PALM2AKAP2: variants seen among roughly 807,000 people sequenced by gnomAD.
PALM2AKAP2 encodes PALM2-AKAP2 fusion protein.
A neutral mutation model predicts 71.5 loss-of-function variants in PALM2AKAP2; 37 were observed. The observed-to-expected ratio is 0.52, with a 90% CI of 0.40 to 0.68. The LOEUF (loss-of-function observed/expected upper bound fraction) is 0.68, where lower values mean the gene tolerates loss of function less well. PALM2AKAP2 is among the 30% of genes least tolerant of loss of function. PALM2AKAP2 has a pLI of 0.00. For missense variants in PALM2AKAP2, 1,224 were observed against 1,191.8 expected (o/e 1.03, Z -0.40); for synonymous variants, 468 against 478.8 (o/e 0.98, Z 0.29).
intron 6 of PALM2AKAP2, among the ~76,000 whole-genome samples, chr9:109,978,272 A>G (rs1474624233): frequency 6.6e-6 from 1 of 152,120 alleles, no homozygotes; most frequent in Non-Finnish European, 1.5e-5. Flanking sequence ...GTTGGCAGAC[A>G]TTTCTGTGGA....
chr9:109,689,492 T>C (rs1827851763), intron 1 of PALM2AKAP2, among the ~76,000 whole-genome samples: 1 of 152,066 alleles, frequency 6.6e-6, no homozygotes, highest in Non-Finnish European at 1.5e-5. Context: ...GAGCCACTGC[T>C]CCTGGCCAAA....
chr9:110,045,098 G>A (rs971240884), upstream of PALM2AKAP2, among the ~76,000 whole-genome samples: 7 of 149,092 alleles, frequency 4.7e-5, no homozygotes, highest in Admixed American at 4.7e-4. Context: ...TTTAAAGTGG[G>A]CCAGCAGCAT....
intron 1 of PALM2AKAP2, among the ~76,000 whole-genome samples, chr9:110,104,056 AT>A (rs1462659093): frequency 6.6e-6 from 1 of 151,968 alleles, no homozygotes; most frequent in Non-Finnish European, 1.5e-5. Flanking sequence ...AGTGGAATCT[AT>A]TGAGTGCCCC....
intron 6 of PALM2AKAP2, among the ~76,000 whole-genome samples, chr9:109,999,367 T>TA (rs1832636807): frequency 6.6e-6 from 1 of 151,144 alleles, no homozygotes; most frequent in African/African-American, 2.4e-5. Context: ...AATAAATAAA[T>TA]AAATAAAATA....
intron 1 of PALM2AKAP2, among the ~76,000 whole-genome samples, chr9:109,752,417 G>C (rs1264081118): frequency 6.6e-6 from 1 of 152,130 alleles, no homozygotes; most frequent in African/African-American, 2.4e-5. Context: ...TTTCTAAGGA[G>C]CTCCCATGTG....
At chr9:109,862,844 A>G in intron 1 of PALM2AKAP2, 2 of 494,826 alleles carry the variant, frequency 4.0e-6, no homozygotes, top group South Asian at 3.0e-5. Context: ...CACATCGATT[A>G]TTGTTAGAGG....
chr9:109,747,386 A>G (rs73529196), intron 1 of PALM2AKAP2, among the ~76,000 whole-genome samples: 320 of 152,310 alleles, frequency 2.1e-3, no homozygotes, highest in African/African-American at 7.5e-3. Context: ...AATATATTCT[A>G]TTCAATTTCT....
chr9:109,928,789 A>G (rs1236134596), intron 5 of PALM2AKAP2, among the ~76,000 whole-genome samples: 2 of 151,464 alleles, frequency 1.3e-5, no homozygotes, highest in African/African-American at 2.4e-5. Flanking sequence ...CTCCTGTCTC[A>G]GCCTCCCAAG....
chr9:109,846,992 C>T (rs1457474049), intron 1 of PALM2AKAP2, among the ~76,000 whole-genome samples: 5 of 152,242 alleles, frequency 3.3e-5, no homozygotes, highest in East Asian at 3.8e-4. Context: ...CATGGCATTC[C>T]GTTCCACCAG....
chr9:110,168,615 T>G (rs953514844), exon 4 of PALM2AKAP2: 1 of 1,206,734 alleles, frequency 8.3e-7, no homozygotes, highest in Admixed American at 2.8e-5. Context: ...CAGCAATCCT[T>G]ATGTAGACCA....
chr9:109,868,855 C>T (rs1371754794), intron 2 of PALM2AKAP2, among the ~76,000 whole-genome samples: 5 of 152,184 alleles, frequency 3.3e-5, no homozygotes, highest in African/African-American at 1.2e-4. Flanking sequence ...TGCTCTTTCC[C>T]CACAACATTC....
intron 1 of PALM2AKAP2, among the ~76,000 whole-genome samples, chr9:109,769,673 G>A (rs920165723): frequency 1.6e-4 from 25 of 152,350 alleles, no homozygotes; most frequent in African/African-American, 5.5e-4. Context: ...ATTTGTGAAG[G>A]TGCCTGATGA....
chr9:109,947,907 C>G (rs956877172), intron 6 of PALM2AKAP2, among the ~76,000 whole-genome samples: 1 of 152,200 alleles, frequency 6.6e-6, no homozygotes, highest in Non-Finnish European at 1.5e-5. Context: ...AGGTGCTCCT[C>G]AATTTCTTAA....
chr9:110,014,703 G>A (rs1832940758), intron 6 of PALM2AKAP2, among the ~76,000 whole-genome samples: 2 of 148,408 alleles, frequency 1.3e-5, no homozygotes, highest in African/African-American at 5.0e-5. Context: ...AACCTGGGAG[G>A]TGGAGGTTGC....
chr9:110,038,935 CA>C (rs71373959), intron 7 of PALM2AKAP2, among the ~76,000 whole-genome samples: 3,070 of 78,384 alleles, frequency 0.039, 171 homozygotes, highest in African/African-American at 0.15. Context: ...AACTCGGTCT[CA>C]AAAAAAAAAA....
At chr9:109,803,006 C>T (rs1047776823) in intron 1 of PALM2AKAP2, among the ~76,000 whole-genome samples, 9 of 152,200 alleles carry the variant, frequency 5.9e-5, no homozygotes, top group African/African-American at 2.2e-4. Flanking sequence ...TATTAAGATG[C>T]TTGCTAGTTC....
intron 6 of PALM2AKAP2, among the ~76,000 whole-genome samples, chr9:109,948,731 A>G (rs1442823655): frequency 6.6e-6 from 1 of 152,208 alleles, no homozygotes; most frequent in Non-Finnish European, 1.5e-5. Context: ...TTCTCCCTAG[A>G]CTTCAGACAG....
At chr9:109,864,556 T>C (rs1829395304) in intron 1 of PALM2AKAP2, among the ~76,000 whole-genome samples, 1 of 152,222 alleles carries the variant, frequency 6.6e-6, no homozygotes, top group Admixed American at 6.5e-5. Context: ...AAATGATATT[T>C]GAATCCACAG....
intron 1 of PALM2AKAP2, among the ~76,000 whole-genome samples, chr9:110,088,541 G>T (rs1834624135): frequency 6.6e-6 from 1 of 151,984 alleles, no homozygotes; most frequent in African/African-American, 2.4e-5. Context: ...CTTTGGTGTG[G>T]AAAGTTGAGG....
Sources: gnomAD v4.1 joint callset for allele counts (sites outside exome capture counted in the v4.1 genomes callset) on GRCh38, gnomAD v4.1.1 for gene constraint, MANE v1.5 for transcripts, NCBI Gene and HGNC (gene_info 2026-07-23, HGNC 2026-07-21) for gene names.